Variants in SH3TC1 observed in about 807,000 individuals in gnomAD.
The protein encoded by SH3TC1 is SH3 domain and tetratricopeptide repeats 1, also known as SH3 domain and tetratricopeptide repeat-containing protein 1.
SH3TC1 carries 135 observed loss-of-function variants against 117.3 expected under a neutral mutation model. The observed-to-expected ratio is 1.15, with a 90% CI of 1.00 to 1.33. The LOEUF (loss-of-function observed/expected upper bound fraction) is 1.33, where lower values mean the gene tolerates loss of function less well. Among genes scored for constraint, SH3TC1 ranks in the 40% most tolerant of loss-of-function variants. The pLI is 0.00. For missense variants in SH3TC1, 2,092 were observed against 1,794.3 expected, an observed-to-expected ratio of 1.17 and a Z score of -3.00; for synonymous variants, 898 against 816.9, an observed-to-expected ratio of 1.10 and a Z score of -1.69.
Position 8,228,184 on chromosome 4 carries a change from C to A in SH3TC1, c.2490C>A (p.Ala830=). The A allele has an allele frequency of 6.2e-7, 1 of 1,610,572 alleles. No individual in the cohort carries two copies. The highest frequency in any genetic ancestry group is 8.5e-7 in the Non-Finnish European group (1 of 1,178,398). The change falls in exon 12 of 18, where the codon GCC becomes GCA. Residue 830 remains alanine (A), a synonymous_variant. Transcript: ENST00000245105. ...GVRAIVDHLV[A]LAWLHVLHGQ... ...GTGCCATCGTGGACCACCTGGTGGCCCTGGCCTGGCTGCACGTGCTTCATG... is the reference window on the plus strand; with the variant it reads ...GTGCCATCGTGGACCACCTGGTGGCACTGGCCTGGCTGCACGTGCTTCATG...
chr4:8,182,580 C>T (rs1221784507), intron 1 of SH3TC1, among the ~76,000 whole-genome samples: 1 of 152,148 alleles, frequency 6.6e-6, no homozygotes, highest in Non-Finnish European at 1.5e-5. Flanking sequence ...GAGGCTGTGG[C>T]CAGGGGTTCT....
chr4:8,224,660 G>A (rs73798673), intron 10 of SH3TC1: 3,225 of 154,620 alleles, frequency 0.021, 65 homozygotes, highest in Middle Eastern at 0.057. Flanking sequence ...CTTTACGGGG[G>A]TGAAACTGAG....
chr4:8,228,217 C>G lies in SH3TC1; in HGVS notation c.2523C>G (p.Ser841Arg), dbSNP rs766447740. Residue 841 changes from serine (S) to arginine (R), a missense_variant, in exon 12 of 18, where the codon AGC (serine) becomes AGG (arginine). Physicochemically the swap from Ser to Arg is moderately radical, Grantham distance 110 (BLOSUM62 -1). Coordinates refer to ENST00000245105, the MANE Select transcript of SH3TC1 (RefSeq NM_018986.5). Reference sequence around the variant, plus strand: ...GGCTGCACGTGCTTCATGGGCAGAGCCCGGTGGCCCTGGACATCCTGCAGT... The same window carrying G: ...GGCTGCACGTGCTTCATGGGCAGAGGCCGGTGGCCCTGGACATCCTGCAGT... ...LAWLHVLHGQ[S>R]PVALDILQSV... The G allele has an allele frequency of 6.2e-7, 1 of 1,608,714 alleles. No individual in the cohort carries two copies. Among genetic ancestry groups the G allele is most frequent in the Non-Finnish European group, 8.5e-7 (1 of 1,177,074 alleles).
At position 8,225,545 on chromosome 4, in the gene SH3TC1, C is replaced by T. The variant is rs1385107987; in HGVS notation, c.1285+329C>T. Among the ~76,000 whole-genome samples, 1 of 152,142 alleles carries T rather than the reference C, an allele frequency of 6.6e-6. No individual in the cohort carries two copies. Among genetic ancestry groups the T allele is most frequent in the Admixed American group, 6.5e-5 (1 of 15,278 alleles). ...ATGACCTGGAGAAGCTGCAGCTTGC[C>T]CTCTGCTCTGCCTCAGAGATGGGAG... On this transcript the variant is annotated intron_variant, in intron 11 of 17. Transcript: ENST00000245105. This position sits in a 1 kb window ranked among gnomAD's most constrained non-coding sequence, Gnocchi z 5.5.
At chr4:8,216,407 G>A (rs1436596899) in intron 6 of SH3TC1, 150 bp downstream of exon 6, 3 of 1,215,810 alleles carry the variant, frequency 2.5e-6, no homozygotes, top group Non-Finnish European at 3.4e-6. Flanking sequence ...AGGCAGGGAG[G>A]TGTGCTTGGT....
Position 8,222,906 on chromosome 4 carries a change from G to A in SH3TC1, c.1179G>A (p.Glu393=). The A allele has an allele frequency of 6.2e-7, 1 of 1,613,632 alleles. No homozygotes were observed. The highest frequency in any genetic ancestry group is 8.5e-7 in the Non-Finnish European group (1 of 1,179,928). ...TCTTCAGCGAGGGCTGCTTTTCTGA[G>A]GAGGATGCCAGGCAGTTGCTGAGGC... ...KSFFSEGCFS[E]EDARQLLRRM... is the part of the protein sequence containing the mutation. Residue 393 remains glutamate, a synonymous_variant, in exon 10 of 18, where the codon GAG becomes GAA. Transcript: ENST00000245105.
In SH3TC1 at chr4:8,212,713, A is replaced by G. The variant is rs748731885; in HGVS notation, c.260A>G (p.Gln87Arg). The change falls in exon 4 of 18, where the codon CAG (glutamine) becomes CGG (arginine). Residue 87 changes from glutamine (Q) to arginine (R), a missense_variant. By Grantham distance (43) the Gln-to-Arg change is conservative (BLOSUM62 1). Coordinates refer to ENST00000245105, the MANE Select transcript of SH3TC1 (RefSeq NM_018986.5). Reference protein sequence around the residue: ...MGVYPTDLTLQLLAVRRKSRL... With the variant: ...MGVYPTDLTLRLLAVRRKSRL... ...TCTGCCCCTCCAGACCTGACCCTGC[A>G]GCTGCTGGCTGTGCGGAGGAAGAGC... 4 of 1,612,804 alleles carry G rather than the reference A, an allele frequency of 2.5e-6. No individual in the cohort carries two copies. The East Asian group carries it at 8.9e-5, about 36-fold the overall frequency.
chr4:8,233,546 A>C (rs1439125448), intron 14 of SH3TC1, 33 bp downstream of exon 14: 1 of 1,569,428 alleles, frequency 6.4e-7, no homozygotes, highest in Non-Finnish European at 8.6e-7. Flanking sequence ...GGGCCTCTGC[A>C]CATGTTCACT....
At chr4:8,214,430 C>A in intron 4 of SH3TC1, 45 bp from the exon 5 acceptor site, 1 of 1,558,914 alleles carries the variant, frequency 6.4e-7, no homozygotes, top group Non-Finnish European at 8.8e-7. Flanking sequence ...ACAGATGCCC[C>A]AGAGCTCCTG....
rs369698532 is a variant in SH3TC1 at position 8,236,306 on chromosome 4, C to T, written c.3434C>T (p.Thr1145Met). The T allele has an allele frequency of 2.6e-5, 40 of 1,555,812 alleles. No homozygotes were observed. The highest frequency in any genetic ancestry group is 1.7e-4 in the South Asian group (14 of 84,492). The stretch of plus-strand genomic sequence containing the variant: ...CGGGCCCTGCCCCTGGCAGTGACTA[C>T]GGGCAACCGCAAGGCGGAGCTGCGG... ...RDRALPLAVTTGNRKAELRLC... is the reference protein window; with the variant it reads ...RDRALPLAVTMGNRKAELRLC... The change falls in exon 16 of 18, where the codon ACG becomes ATG. Residue 1145 changes from threonine to methionine, a missense_variant. Physicochemically the swap from Thr to Met is moderately conservative, Grantham distance 81 (BLOSUM62 -1). Coordinates refer to ENST00000245105, the MANE Select transcript of SH3TC1 (RefSeq NM_018986.5).
intron 6 of SH3TC1, 104 bp from the exon 7 acceptor site, chr4:8,216,853 C>T (rs1331759035): frequency 9.1e-6 from 11 of 1,204,284 alleles, no homozygotes; most frequent in Non-Finnish European, 1.4e-5. Flanking sequence ...GGGGCCGCTC[C>T]TGTGGGTGTT....
At position 8,228,346 on chromosome 4, in the gene SH3TC1, G is replaced by C. The variant is rs765861485; in HGVS notation, c.2652G>C (p.Glu884Asp). Residue 884 changes from glutamate to aspartate, a missense_variant, in exon 12 of 18, where the codon GAG becomes GAC. Coordinates refer to ENST00000245105, the MANE Select transcript of SH3TC1 (RefSeq NM_018986.5). Reference protein sequence around the residue: ...KRTGRTRQAAESYYRALRVAR... With the variant: ...KRTGRTRQAADSYYRALRVAR... ...CGGGCCGGACGAGGCAGGCAGCTGAGAGCTACTACCGCGCCCTGCGGGTGG... is the reference window on the plus strand; with the variant it reads ...CGGGCCGGACGAGGCAGGCAGCTGACAGCTACTACCGCGCCCTGCGGGTGG... The C allele has an allele frequency of 1.9e-6, 3 of 1,611,826 alleles. No individual in the cohort carries two copies. The highest frequency in any genetic ancestry group is 1.1e-5 in the South Asian group (1 of 91,062).
intron 8 of SH3TC1, among the ~76,000 whole-genome samples, chr4:8,218,809 G>A (rs947978548): frequency 5.3e-5 from 8 of 152,376 alleles, no homozygotes; most frequent in African/African-American, 1.9e-4. Context: ...TCCTCTTTAT[G>A]AAAAGCTGGC....
chr4:8,232,717 C>T (rs1463187987), intron 13 of SH3TC1: 1 of 1,289,952 alleles, frequency 7.8e-7, no homozygotes, highest in African/African-American at 1.5e-5. Flanking sequence ...GGCCCAGTGA[C>T]ATTGCTGCAC....
rs1718560896 is a variant in SH3TC1, at chr4:8,210,428, G to A, written c.247+606G>A. Among the ~76,000 whole-genome samples, 1 of 152,232 alleles carries A rather than the reference G, an allele frequency of 6.6e-6. No individual in the cohort carries two copies. The highest frequency in any genetic ancestry group is 2.1e-4 in the South Asian group (1 of 4,836). On this transcript the variant is annotated intron_variant, in intron 3 of 17. Coordinates refer to ENST00000245105, the MANE Select transcript of SH3TC1 (RefSeq NM_018986.5). The surrounding 1 kb of genome is among the most constrained non-coding windows in gnomAD (Gnocchi z 4.1). ...TTTTGTGTGGTCAGCACTGCTGGTGGCCACTCGGGATGACCAGGACGCATT... is the reference window on the plus strand; with the variant it reads ...TTTTGTGTGGTCAGCACTGCTGGTGACCACTCGGGATGACCAGGACGCATT...
chr4:8,238,310 G>C (rs1437700440), intron 17 of SH3TC1, among the ~76,000 whole-genome samples: 1 of 152,194 alleles, frequency 6.6e-6, no homozygotes, highest in Non-Finnish European at 1.5e-5. Flanking sequence ...CTTGCTGGTC[G>C]GGTCTGTCTG....
At chr4:8,196,637 C>A (rs1717564609), upstream of SH3TC1, among the ~76,000 whole-genome samples, 2 of 152,278 alleles carry the variant, frequency 1.3e-5, no homozygotes, top group South Asian at 4.1e-4. This position sits in a 1 kb window ranked among gnomAD's most constrained non-coding sequence, Gnocchi z 4.6. Context: ...TACCCAGTCC[C>A]CTGAGACAGG....
upstream of SH3TC1, among the ~76,000 whole-genome samples, chr4:8,198,906 CGT>C (rs532088474): frequency 3.1e-3 from 468 of 152,166 alleles, 5 homozygotes; most frequent in African/African-American, 0.011. Context: ...CATGCACATG[CGT>C]GTGTGTGTGC....
Position 8,214,580 on chromosome 4 carries a change from G to T in SH3TC1, c.481G>T (p.Gly161Cys), listed in dbSNP as rs143652307. The change falls in exon 5 of 18, where the codon GGC becomes TGC. Residue 161 changes from glycine (G) to cysteine (C), a missense_variant and splice_region_variant. Gly to Cys is a radical substitution (Grantham distance 159). Coordinates refer to ENST00000245105, the MANE Select transcript of SH3TC1 (RefSeq NM_018986.5). Reference protein sequence around the residue: ...IWKFSTYHALGFTHHCLANLL... With the variant: ...IWKFSTYHALCFTHHCLANLL... ...GAAGTTTTCCACCTACCATGCTCTC[G>T]GTAAAGAGGTGACCCTCCCAGAATT... 2 of 1,613,282 alleles carry T rather than the reference G, an allele frequency of 1.2e-6. No individual in the cohort carries two copies. Among genetic ancestry groups the T allele is most frequent in the Middle Eastern group, 1.7e-4 (1 of 6,060 alleles).
Sources: allele counts gnomAD v4.1 joint callset (sites outside exome capture counted in the v4.1 genomes callset), GRCh38; gene constraint gnomAD v4.1.1; non-coding constraint Gnocchi (gnomAD v3.1); transcripts MANE v1.5; gene names NCBI Gene and HGNC (gene_info 2026-07-23, HGNC 2026-07-21).